TDO2: variants seen among roughly 807,000 people sequenced by gnomAD.
TDO2 encodes the protein tryptamin 2,3-dioxygenase.
Under a neutral mutation model 61.2 loss-of-function variants are expected in TDO2, and 63 were observed. The ratio of observed to expected loss-of-function variants is 1.03; its 90% CI spans 0.84 to 1.27. The LOEUF is 1.27. Among genes scored for constraint, TDO2 ranks in the 50% most tolerant of loss-of-function variants. TDO2 has a pLI of 0.00. For synonymous variants in TDO2, 183 were observed against 164.0 expected (o/e 1.12, Z -0.89); for missense variants, 494 against 469.5 (o/e 1.05, Z -0.48).
At chr4:155,904,994 T>TTTG in intron 2 of TDO2, 73 bp from the exon 3 acceptor site, 1 of 1,034,628 alleles carries the variant, frequency 9.7e-7, no homozygotes, top group Non-Finnish European at 1.4e-6. Flanking sequence ...CATTATCATA[T>TTTG]TCTACTTCTT....
In TDO2 at chr4:155,911,524, G is replaced by A; in HGVS notation, c.646G>A (p.Glu216Lys). 1 of 1,594,768 alleles carries A rather than the reference G, an allele frequency of 6.3e-7. No individual in the cohort carries two copies. Among genetic ancestry groups the A allele is most frequent in the Non-Finnish European group, 8.6e-7 (1 of 1,168,772 alleles). The change falls in exon 7 of 12, where the codon GAG (glutamate) becomes AAG (lysine). Residue 216 changes from glutamate (E) to lysine (K), a missense_variant. Physicochemically the swap from Glu to Lys is moderately conservative, Grantham distance 56 (BLOSUM62 1). Transcript: ENST00000536354. Reference sequence around the variant, plus strand: ...ATGGCTGGAAAGAACTCCAGGTTTAGAGCCACATGGATTTAACTTCTGGGG... The same window carrying A: ...ATGGCTGGAAAGAACTCCAGGTTTAAAGCCACATGGATTTAACTTCTGGGG... ...EAWLERTPGLEPHGFNFWGKL... is the reference protein window; with the variant it reads ...EAWLERTPGLKPHGFNFWGKL...
chr4:155,919,128 T>C (rs1742997724), intron 11 of TDO2, among the ~76,000 whole-genome samples: 1 of 152,204 alleles, frequency 6.6e-6, no homozygotes, highest in Admixed American at 6.5e-5. Context: ...TCTAGTGTGT[T>C]GTTATCTCAG....
chr4:155,919,040 C>T (rs547336107), intron 11 of TDO2, among the ~76,000 whole-genome samples: 1 of 152,264 alleles, frequency 6.6e-6, no homozygotes, highest in African/African-American at 2.4e-5. Flanking sequence ...TCTGTAAGCA[C>T]AAAACAGTTG....
chr4:155,915,333 TA>T (rs943397928), intron 8 of TDO2, among the ~76,000 whole-genome samples: 3 of 151,958 alleles, frequency 2.0e-5, no homozygotes, highest in Admixed American at 6.6e-5. Flanking sequence ...TTCTGTTTTC[TA>T]AAAAAAACAA....
rs538262592 is a variant in TDO2, at chr4:155,918,616, C to T, written c.1067+377C>T. Among the ~76,000 whole-genome samples the T allele has an allele frequency of 2.6e-5, 4 of 152,260 alleles. No individual in the cohort carries two copies. In the South Asian group the frequency reaches 6.2e-4, roughly 24 times the overall value. ...TGTCTTCCTGGCTAGATAAATGACA[C>T]AGTTAAAGTAGCGTCTTGTTTTCTG... On this transcript the variant is annotated intron_variant, in intron 11 of 11. Coordinates refer to ENST00000536354, the MANE Select transcript of TDO2 (RefSeq NM_005651.4).
chr4:155,915,815 A>C, intron 8 of TDO2, 40 bp from the exon 9 acceptor site: 1 of 1,569,320 alleles, frequency 6.4e-7, no homozygotes, highest in Non-Finnish European at 8.7e-7. Context: ...AAATTACCTT[A>C]AATGACCTAA....
chr4:155,912,526 T>C lies in TDO2; in HGVS notation c.726+922T>C, dbSNP rs10018290. ...ATTCTTTCTTGAACATTCTTTTCTC[T>C]TGGATTTAGTATATACCATTATGTT... On this transcript the variant is annotated intron_variant, in intron 7 of 11. Coordinates refer to ENST00000536354, the MANE Select transcript of TDO2 (RefSeq NM_005651.4). Among the ~76,000 whole-genome samples the C allele has an allele frequency of 8.3e-3, 1,268 of 152,272 alleles. 15 individuals carry two copies. The highest frequency in any genetic ancestry group is 0.029 in the African/African-American group (1,215 of 41,570).
intron 9 of TDO2, 38 bp downstream of exon 9, chr4:155,915,950 A>T (rs1311108036): frequency 6.4e-7 from 1 of 1,556,964 alleles, no homozygotes; most frequent in Admixed American, 1.8e-5. Flanking sequence ...GTTAAAATTG[A>T]GGGGTGGATA....
chr4:155,917,517 G>C (rs756362365), intron 10 of TDO2, 43 bp downstream of exon 10: 8 of 1,509,184 alleles, frequency 5.3e-6, no homozygotes. Flanking sequence ...CCCACATGCT[G>C]TTCCTGTGCT....
intron 9 of TDO2, among the ~76,000 whole-genome samples, chr4:155,916,981 CAA>C (rs781693775): frequency 1.4e-5 from 2 of 146,954 alleles, no homozygotes; most frequent in African/African-American, 4.9e-5. Context: ...AAAACAACAA[CAA>C]AAAAAACAAA....
In TDO2 at chr4:155,910,229, T is replaced by G. The variant is rs1367241073; in HGVS notation, c.618+18T>G. 1 of 1,533,580 alleles carries G rather than the reference T, an allele frequency of 6.5e-7. No homozygotes were observed. The highest frequency in any genetic ancestry group is 2.4e-5 in the Admixed American group (1 of 41,714). 95.0% of individuals were successfully genotyped at this position (1,533,580 alleles called of 1,614,324 possible). On this transcript the variant is annotated intron_variant, in intron 6 of 11. Coordinates refer to ENST00000536354, the MANE Select transcript of TDO2 (RefSeq NM_005651.4). ...TAGTGGAGGTATGGATTCATACAAT[T>G]TATAAAGTTTAACTCAATACATCTT...
chr4:155,917,152 G>A (rs1055423956), intron 9 of TDO2, among the ~76,000 whole-genome samples: 2 of 152,180 alleles, frequency 1.3e-5, no homozygotes, highest in Non-Finnish European at 2.9e-5. Context: ...GACTCTAGGT[G>A]ATTACTTCAT....
intron 7 of TDO2, among the ~76,000 whole-genome samples, chr4:155,913,878 A>G (rs1161566921): frequency 6.6e-6 from 1 of 152,142 alleles, no homozygotes; most frequent in Non-Finnish European, 1.5e-5. Context: ...ATATCTAAGA[A>G]ATTGTATTTA....
At chr4:155,904,919 T>A in intron 2 of TDO2, 148 bp from the exon 3 acceptor site, 1 of 566,122 alleles carries the variant, frequency 1.8e-6, no homozygotes, top group South Asian at 2.6e-5. Context: ...TATGATGAGA[T>A]TCGTCCATTG....
chr4:155,916,368 C>A (rs1200735989), intron 9 of TDO2, among the ~76,000 whole-genome samples: 1 of 70,712 alleles, frequency 1.4e-5, no homozygotes, highest in African/African-American at 4.4e-5. Context: ...CGGGGTTTCA[C>A]CGTGTTAGCC....
intron 8 of TDO2, among the ~76,000 whole-genome samples, chr4:155,915,607 T>C (rs998721515): frequency 7.2e-5 from 11 of 152,208 alleles, no homozygotes; most frequent in African/African-American, 2.4e-4. Flanking sequence ...TTTCCTAACA[T>C]GCTATTTGAA....
chr4:155,904,202 T>C (rs1742678002), intron 2 of TDO2, 79 bp downstream of exon 2: 1 of 1,035,008 alleles, frequency 9.7e-7, no homozygotes, highest in Admixed American at 2.4e-5. Context: ...TATGATTTTA[T>C]TTCTTGGAAT....
chr4:155,913,183 T>C (rs1344521832), intron 7 of TDO2, among the ~76,000 whole-genome samples: 1 of 152,152 alleles, frequency 6.6e-6, no homozygotes, highest in Non-Finnish European at 1.5e-5. Flanking sequence ...GTCTGAATAA[T>C]CTTTTCAGAA....
rs1742834612 is a variant in TDO2 at position 155,911,678 on chromosome 4, TTTCTC to T, written c.726+77_726+81del. ...AATTTTATTTTAATTATTTTTTGCT[TTTCTC>T]TTAACCTTTTCTCTTTCTCATATTT... On this transcript the variant is annotated intron_variant, in intron 7 of 11. Coordinates refer to ENST00000536354, the MANE Select transcript of TDO2 (RefSeq NM_005651.4). The T allele has an allele frequency of 8.3e-6, 9 of 1,086,144 alleles. No homozygotes were observed. The South Asian group carries it at 1.5e-4, about 18-fold the overall frequency. The allele number at this position is 1,086,144 out of a possible 1,614,324, so 67.3% of individuals were successfully genotyped here.
Sources: allele counts gnomAD v4.1 joint callset (sites outside exome capture counted in the v4.1 genomes callset), GRCh38; gene constraint gnomAD v4.1.1; transcripts MANE v1.5; gene names NCBI Gene and HGNC (gene_info 2026-07-23, HGNC 2026-07-21).